TRAF3IP2: variants seen among roughly 807,000 people sequenced by gnomAD.
TRAF3IP2 encodes the protein TRAF3 interacting protein 2.
Under a neutral mutation model 57.9 loss-of-function variants are expected in TRAF3IP2, and 35 were observed. The observed-to-expected ratio is 0.60, with a 90% confidence interval of 0.46 to 0.80. TRAF3IP2 has a LOEUF of 0.80. Among genes scored for constraint, TRAF3IP2 ranks in the 30% least tolerant of loss-of-function variants. The probability of loss-of-function intolerance (pLI) is 0.00; values close to 1 mark genes in which losing one functional copy is unlikely to be tolerated. For synonymous variants in TRAF3IP2, 251 were observed against 268.9 expected, an observed-to-expected ratio of 0.93 and a Z score of 0.65; for missense variants, 556 against 706.4, an observed-to-expected ratio of 0.79 and a Z score of 2.41.
At chr6:111,598,402 G>C (rs1236528012) in intron 1 of TRAF3IP2, 1 of 156,560 alleles carries the variant, frequency 6.4e-6, no homozygotes, top group African/African-American at 2.4e-5. Context: ...CAACGCCGCA[G>C]TGTTTATAAT....
intron 1 of TRAF3IP2, among the ~76,000 whole-genome samples, chr6:111,603,787 C>T (rs1166644708): frequency 5.9e-5 from 9 of 152,134 alleles, no homozygotes; most frequent in Non-Finnish European, 1.2e-4. Context: ...CCTTTCTATC[C>T]GACATGTTGG....
chr6:111,557,356 G>A lies in TRAF3IP2; in HGVS notation c.*2049C>T, dbSNP rs1259808900. 6.6e-6 allele frequency: 1 copy of A among 150,996 alleles called. No homozygotes were observed. The highest frequency in any genetic ancestry group is 1.5e-5 in the Non-Finnish European group (1 of 67,900). The allele number at this position is 150,996 out of a possible 1,614,324, so 9.4% of individuals were successfully genotyped here. ...TATGTGTATGTGTTCTTTTTCTGGA[G>A]ACCAGGTAAACAAGATATATAGATA... On this transcript the variant is annotated 3_prime_UTR_variant, in exon 9 of 9. Coordinates refer to ENST00000368761, the MANE Select transcript of TRAF3IP2 (RefSeq NM_147686.4).
chr6:111,603,675 T>C (rs1235352284), intron 1 of TRAF3IP2, among the ~76,000 whole-genome samples: 2 of 152,232 alleles, frequency 1.3e-5, no homozygotes, highest in African/African-American at 4.8e-5. Context: ...CTTTTTCTTT[T>C]CAGAGCATTT....
chr6:111,585,742 T>A (rs545511798), intron 2 of TRAF3IP2, among the ~76,000 whole-genome samples: 1 of 152,358 alleles, frequency 6.6e-6, no homozygotes, highest in East Asian at 1.9e-4. Context: ...AGGTGGATGA[T>A]GTGATAGACA....
At chr6:111,603,048 C>T (rs1796918922) in intron 1 of TRAF3IP2, among the ~76,000 whole-genome samples, 1 of 151,912 alleles carries the variant, frequency 6.6e-6, no homozygotes, top group Non-Finnish European at 1.5e-5. Context: ...TCTACAACTC[C>T]TGGTATCCGG....
At chr6:111,590,493 A>G (rs932286576) in intron 2 of TRAF3IP2, among the ~76,000 whole-genome samples, 6 of 152,210 alleles carry the variant, frequency 3.9e-5, no homozygotes, top group African/African-American at 1.2e-4. Context: ...TGAATTTTTT[A>G]TTTAAAATGG....
In TRAF3IP2 at chr6:111,559,550, T is replaced by G; in HGVS notation, c.1553A>C (p.Glu518Ala). 6.2e-7 allele frequency: 1 copy of G among 1,613,860 alleles called. No individual in the cohort carries two copies. The change falls in exon 9 of 9, where the codon GAG becomes GCG. Residue 518 changes from glutamate to alanine, a missense_variant and splice_region_variant. Physicochemically the swap from Glu to Ala is moderately radical, Grantham distance 107. This residue lies in a region of TRAF3IP2 where 128 missense variants were observed against 207.7 expected (regional missense o/e 0.62). Transcript: ENST00000368761. ...GTTCTGAAGCCAGGTGGGCACATGC[T>G]CCTATGGGAGGCAGAATGACAGGAG... ...IPVLFPNAKK[E>A]HVPTWLQNTH...
At chr6:111,581,113 G>A (rs563670655) in intron 2 of TRAF3IP2, among the ~76,000 whole-genome samples, 4 of 152,262 alleles carry the variant, frequency 2.6e-5, no homozygotes, top group Non-Finnish European at 5.9e-5. Context: ...CCAGGAGCAG[G>A]AGGGTCCCCA....
At chr6:111,586,526 A>C (rs540638385) in intron 2 of TRAF3IP2, among the ~76,000 whole-genome samples, 21 of 151,824 alleles carry the variant, frequency 1.4e-4, no homozygotes, top group Non-Finnish European at 2.6e-4. Flanking sequence ...ATTTCCACCT[A>C]CTTTGAAAAC....
Position 111,556,999 on chromosome 6 carries a change from C to T in TRAF3IP2, c.*2406G>A, listed in dbSNP as rs1028501668. The T allele has an allele frequency of 6.6e-6, 1 of 151,938 alleles. No homozygotes were observed. Among genetic ancestry groups the T allele is most frequent in the Admixed American group, 6.6e-5 (1 of 15,224 alleles). The allele number at this position is 151,938 out of a possible 1,614,324, so 9.4% of individuals were successfully genotyped here. On this transcript the variant is annotated 3_prime_UTR_variant, in exon 9 of 9. Coordinates refer to ENST00000368761, the MANE Select transcript of TRAF3IP2 (RefSeq NM_147686.4). ...AAAATTAACCAAGCATGTTGGTGCA[C>T]ACCTATAGTCCCTGCTACTTGGGAG...
chr6:111,568,432 AGTGTGTGTGTGTGTGTGTGTGTGTGT>A lies in TRAF3IP2; in HGVS notation c.1291-766_1291-741del, dbSNP rs58088162. ...TCTTGGGCTCAGGCTTATACTGCAG[AGTGTGTGTGTGTGTGTGTGTGTGTGT>A]GTGTGTGTGTGTGTGTGTGTGTGTG... On this transcript the variant is annotated intron_variant, in intron 5 of 8. Transcript: ENST00000368761. Among the ~76,000 whole-genome samples the A allele has an allele frequency of 3.5e-3, 518 of 146,830 alleles. 5 individuals carry two copies. Among genetic ancestry groups the A allele is most frequent in the Non-Finnish European group, 5.3e-3 (348 of 66,022 alleles).
chr6:111,561,779 G>A (rs1795453890), intron 8 of TRAF3IP2, among the ~76,000 whole-genome samples: 1 of 152,182 alleles, frequency 6.6e-6, no homozygotes, highest in Admixed American at 6.5e-5. Context: ...CCAAGAAACA[G>A]ATCAGACCTA....
intron 1 of TRAF3IP2, 119 bp from the exon 2 acceptor site, chr6:111,592,213 T>C: frequency 1.2e-6 from 1 of 865,076 alleles, no homozygotes; most frequent in Non-Finnish European, 1.8e-6. Flanking sequence ...GAGACACCAA[T>C]GTGCTTGCAA....
chr6:111,562,722 G>A (rs1023676297), intron 8 of TRAF3IP2, among the ~76,000 whole-genome samples: 3 of 151,984 alleles, frequency 2.0e-5, no homozygotes, highest in Non-Finnish European at 4.4e-5. Context: ...GCAGGGACCT[G>A]TAATCCCAGC....
chr6:111,573,258 G>A (rs1038106970), intron 4 of TRAF3IP2, among the ~76,000 whole-genome samples: 29 of 152,150 alleles, frequency 1.9e-4, no homozygotes, highest in African/African-American at 7.0e-4. Context: ...GCTCAGACAA[G>A]CCTAAGGAAA....
intron 4 of TRAF3IP2, chr6:111,574,092 C>T (rs1795908189): frequency 6.6e-6 from 1 of 152,136 alleles, no homozygotes; most frequent in South Asian, 2.1e-4. Context: ...GATATCAGGA[C>T]TATAATGTAT....
intron 2 of TRAF3IP2, among the ~76,000 whole-genome samples, chr6:111,584,822 T>TAC (rs901702188): frequency 9.8e-5 from 15 of 152,368 alleles, no homozygotes; most frequent in Admixed American, 9.8e-4. Context: ...GATCACTTGC[T>TAC]ACATGTCAAG....
intron 1 of TRAF3IP2, chr6:111,601,453 A>G (rs1583249902): frequency 4.8e-6 from 2 of 413,640 alleles, no homozygotes; most frequent in Non-Finnish European, 8.8e-6. Flanking sequence ...GAGGGGAGCT[A>G]TCTTCCAGGG....
intron 5 of TRAF3IP2, among the ~76,000 whole-genome samples, chr6:111,569,381 G>A (rs969972973): frequency 1.1e-4 from 17 of 152,114 alleles, no homozygotes; most frequent in Admixed American, 3.3e-4. Flanking sequence ...GACTTCCTAC[G>A]GTGGTTGTGA....
Sources: gnomAD v4.1 joint callset for allele counts (sites outside exome capture counted in the v4.1 genomes callset) on GRCh38, gnomAD v4.1.1 for gene constraint, gnomAD v4.1.1 regional missense constraint, MANE v1.5 for transcripts, NCBI Gene and HGNC (gene_info 2026-07-23, HGNC 2026-07-21) for gene names.